PRKAR1B: variants seen among roughly 807,000 people sequenced by gnomAD.
PRKAR1B encodes the protein cAMP-dependent protein kinase type I-beta regulatory subunit.
In PRKAR1B, 22 loss-of-function variants were observed where a neutral mutation model predicts 46.5. The ratio of observed to expected loss-of-function variants is 0.47; its 90% CI spans 0.34 to 0.68. PRKAR1B has a LOEUF of 0.68. Among genes scored for constraint, PRKAR1B ranks in the 30% least tolerant of loss-of-function variants. PRKAR1B has a pLI of 0.01. For synonymous variants in PRKAR1B, 259 were observed against 217.7 expected (o/e 1.19, Z -1.67); for missense variants, 445 against 535.6 (o/e 0.83, Z 1.67).
intron 4 of PRKAR1B, among the ~76,000 whole-genome samples, chr7:658,809 C>T (rs1350886584): frequency 2.0e-5 from 3 of 151,994 alleles, no homozygotes; most frequent in Admixed American, 6.6e-5. Flanking sequence ...CACCATCATG[C>T]CAGGCTAATT....
intron 9 of PRKAR1B, among the ~76,000 whole-genome samples, chr7:576,580 G>T (rs760821108): frequency 6.6e-6 from 1 of 151,930 alleles, no homozygotes; most frequent in Non-Finnish European, 1.5e-5. Context: ...ACTCAGGTCC[G>T]GGAACCCCAA....
chr7:588,887 A>AGTGGTGGTGACG (rs1554288410), intron 7 of PRKAR1B, among the ~76,000 whole-genome samples: 796 of 1,582 alleles, frequency 0.5, 362 homozygotes, highest in African/African-American at 0.57. Context: ...GGATAGTGAC[A>AGTGGTGGTGACG]GTGGTGGTGA....
At chr7:658,155 G>T (rs767945577) in intron 4 of PRKAR1B, among the ~76,000 whole-genome samples, 1 of 152,070 alleles carries the variant, frequency 6.6e-6, no homozygotes, top group South Asian at 2.1e-4. Flanking sequence ...GCAACTTGGC[G>T]GGGTCCGGTG....
rs1172965633 is a variant in PRKAR1B, at chr7:714,584, T to G, written c.-22-3057A>C. ...CCCGCCACTCAGATCCCTGTTCCAG[T>G]GGCCCCCACCCCACACAAGGACTCC... is the stretch of plus-strand genomic sequence containing the variant. On this transcript the variant is annotated intron_variant, in intron 1 of 10. Transcript: ENST00000537384. This position sits in a 1 kb window ranked among gnomAD's most constrained non-coding sequence, Gnocchi z 4.3. Among the ~76,000 whole-genome samples the G allele has an allele frequency of 2.0e-5, 3 of 152,226 alleles. No homozygotes were observed. The highest frequency in any genetic ancestry group is 7.2e-5 in the African/African-American group (3 of 41,466).
chr7:684,357 G>T (rs916791008), intron 2 of PRKAR1B, among the ~76,000 whole-genome samples: 1 of 152,206 alleles, frequency 6.6e-6, no homozygotes, highest in Non-Finnish European at 1.5e-5. Context: ...AAAAAAAATG[G>T]CAGATGGAAA....
chr7:639,106 G>T (rs1045428994), intron 4 of PRKAR1B, among the ~76,000 whole-genome samples: 3 of 152,166 alleles, frequency 2.0e-5, no homozygotes, highest in South Asian at 2.1e-4. Context: ...TTTAAAAAAT[G>T]AAATTCATAC....
chr7:632,801 G>A (rs977760520), intron 4 of PRKAR1B, among the ~76,000 whole-genome samples: 5 of 152,196 alleles, frequency 3.3e-5, no homozygotes, highest in Admixed American at 2.6e-4. Flanking sequence ...GGAGGATTCC[G>A]TGGGCCACAC....
chr7:572,173 G>A (rs957581190), intron 9 of PRKAR1B, among the ~76,000 whole-genome samples: 4 of 152,208 alleles, frequency 2.6e-5, no homozygotes, highest in African/African-American at 9.6e-5. Flanking sequence ...CAGGGCTCCC[G>A]CTGACGCACA....
intron 2 of PRKAR1B, among the ~76,000 whole-genome samples, chr7:709,519 T>C (rs1003585759): frequency 6.6e-6 from 1 of 152,096 alleles, no homozygotes; most frequent in South Asian, 2.1e-4. Flanking sequence ...TACAGGCGCC[T>C]GCCACCTCGC....
At chr7:635,652 G>A (rs567455130) in intron 4 of PRKAR1B, among the ~76,000 whole-genome samples, 1 of 152,158 alleles carries the variant, frequency 6.6e-6, no homozygotes, top group East Asian at 1.9e-4. Flanking sequence ...GAACAGCTTA[G>A]GAAAAAGGGC....
chr7:641,003 G>C (rs1469416308), intron 4 of PRKAR1B, among the ~76,000 whole-genome samples: 1 of 152,084 alleles, frequency 6.6e-6, no homozygotes, highest in Non-Finnish European at 1.5e-5. Context: ...GCCCAGGCTG[G>C]AGTGCAGTGG....
At chr7:572,002 G>A (rs753540768) in intron 9 of PRKAR1B, among the ~76,000 whole-genome samples, 1 of 152,232 alleles carries the variant, frequency 6.6e-6, no homozygotes, top group Non-Finnish European at 1.5e-5. Context: ...TGCTCCCATT[G>A]CCACAGGACC....
intron 9 of PRKAR1B, among the ~76,000 whole-genome samples, chr7:576,663 G>A (rs1345195031): frequency 6.6e-6 from 1 of 151,664 alleles, no homozygotes; most frequent in African/African-American, 2.4e-5. Context: ...CAGGTCAGCA[G>A]AAATCTCCCG....
intron 4 of PRKAR1B, among the ~76,000 whole-genome samples, chr7:673,935 G>A (rs1036045818): frequency 6.6e-6 from 1 of 152,204 alleles, no homozygotes; most frequent in Admixed American, 6.5e-5. Flanking sequence ...CTCGGCGTGT[G>A]CCACATCTCA....
intron 4 of PRKAR1B, among the ~76,000 whole-genome samples, chr7:650,340 C>T (rs182264988): frequency 1.3e-3 from 196 of 152,298 alleles, no homozygotes; most frequent in African/African-American, 4.4e-3. Context: ...TGGAAAACCA[C>T]AGCCCCCAGA....
intron 7 of PRKAR1B, among the ~76,000 whole-genome samples, chr7:590,160 A>G (rs533956873): frequency 7.4e-4 from 113 of 152,378 alleles, no homozygotes; most frequent in African/African-American, 2.6e-3. Flanking sequence ...CACGCCCTTC[A>G]GGACACTCCA....
chr7:631,409 A>C (rs1215328899), intron 4 of PRKAR1B, among the ~76,000 whole-genome samples: 1 of 152,264 alleles, frequency 6.6e-6, no homozygotes, highest in East Asian at 1.9e-4. Flanking sequence ...GCCCAAAGCC[A>C]CTCAGCACCT....
At chr7:717,296 A>T (rs1466922662) in intron 1 of PRKAR1B, among the ~76,000 whole-genome samples, 1 of 150,338 alleles carries the variant, frequency 6.7e-6, no homozygotes, top group Non-Finnish European at 1.5e-5. Flanking sequence ...TCTCAAAAAA[A>T]GAAAGAAAGA....
At chr7:688,035 G>C (rs998237679) in intron 2 of PRKAR1B, among the ~76,000 whole-genome samples, 3 of 143,706 alleles carry the variant, frequency 2.1e-5, no homozygotes, top group African/African-American at 7.9e-5. Flanking sequence ...GGGAGAGGTT[G>C]CAATGAGCCA....
Sources: allele counts gnomAD v4.1 joint callset (sites outside exome capture counted in the v4.1 genomes callset), GRCh38; gene constraint gnomAD v4.1.1; non-coding constraint Gnocchi (gnomAD v3.1); transcripts MANE v1.5; gene names NCBI Gene and HGNC (gene_info 2026-07-23, HGNC 2026-07-21).